The following AMZ1 variants were observed in gnomAD, a reference collection of about 807,000 sequenced individuals.
AMZ1 encodes archaelysin family metallopeptidase 1.
In AMZ1, 39 loss-of-function variants were observed where a neutral mutation model predicts 29.9. That is an observed-to-expected ratio of 1.30 (90% confidence interval 1.01 to 1.70). The LOEUF (loss-of-function observed/expected upper bound fraction) is 1.70, where lower values mean the gene tolerates loss of function less well. Ranked by LOEUF, AMZ1 falls within the 40% of genes most tolerant of loss-of-function variation. The pLI is 0.00. For synonymous variants in AMZ1, 458 were observed against 304.0 expected, an observed-to-expected ratio of 1.51 and a Z score of -5.27; for missense variants, 1,041 against 680.6, an observed-to-expected ratio of 1.53 and a Z score of -5.89.
At chr7:2,735,193 C>T (rs1040682081) in intron 4 of AMZ1, among the ~76,000 whole-genome samples, 59 of 152,308 alleles carry the variant, frequency 3.9e-4, no homozygotes, top group Admixed American at 1.8e-3. Context: ...CCCTGGGCCT[C>T]GGGAGGTGCC....
At chr7:2,764,373 G>A (rs765578896), upstream of AMZ1, among the ~76,000 whole-genome samples, 2 of 151,680 alleles carry the variant, frequency 1.3e-5, no homozygotes, top group Non-Finnish European at 2.9e-5. Flanking sequence ...GTGTGCTCCC[G>A]CATCCAGGCA....
Position 2,702,771 on chromosome 7 carries a change from CT to C in AMZ1, c.355del (p.Cys119AlafsTer46). ...GSSLLHQLCS[C>X]TEAFFLGLRV... ...GCTCCCTGCTGCACCAGCTGTGCAG[CT>C]GCACAGAGGCCTTCTTCCTGGGCCT... is the stretch of plus-strand genomic sequence containing the variant. On this transcript the variant is annotated frameshift_variant, in exon 3 of 7. Transcript: ENST00000683327. LOFTEE classifies it high-confidence loss of function. 6.5e-7 allele frequency: 1 copy of C among 1,543,510 alleles called. No homozygotes were observed. The highest frequency in any genetic ancestry group is 8.7e-7 in the Non-Finnish European group (1 of 1,147,258).
At chr7:2,696,357 C>T (rs969177321) in intron 1 of AMZ1, among the ~76,000 whole-genome samples, 6 of 149,512 alleles carry the variant, frequency 4.0e-5, no homozygotes, top group Non-Finnish European at 5.9e-5. Context: ...CCCAGGTTCA[C>T]GCCATTCTCC....
chr7:2,685,111 C>T (rs187071827), upstream of AMZ1, among the ~76,000 whole-genome samples: 152 of 151,686 alleles, frequency 1.0e-3, 1 homozygote, highest in African/African-American at 3.6e-3. Flanking sequence ...CCTCGTGATC[C>T]GCCCGCCTCG....
intron 1 of AMZ1, among the ~76,000 whole-genome samples, chr7:2,681,692 C>A (rs1007686754): frequency 6.6e-6 from 1 of 152,158 alleles, no homozygotes; most frequent in African/African-American, 2.4e-5. Context: ...TTCGTCCCCA[C>A]GTGCCTGGTC....
At chr7:2,725,707 T>C (rs987309253) in intron 4 of AMZ1, among the ~76,000 whole-genome samples, 2 of 152,222 alleles carry the variant, frequency 1.3e-5, no homozygotes, top group African/African-American at 4.8e-5. Flanking sequence ...TGCCTCTCCC[T>C]GGTCGCCTGT....
Position 2,712,671 on chromosome 7 carries a change from G to A in AMZ1, c.1290G>A (p.Val430=). The A allele has an allele frequency of 6.2e-7, 1 of 1,613,006 alleles. No homozygotes were observed. Among genetic ancestry groups the A allele is most frequent in the Non-Finnish European group, 8.5e-7 (1 of 1,179,892 alleles). ...TGGCAGAGGAGGACCTGGTGCAGGTGGACAGAGCCGTGGACGCCCTCGACC... is the reference window on the plus strand; with the variant it reads ...TGGCAGAGGAGGACCTGGTGCAGGTAGACAGAGCCGTGGACGCCCTCGACC... ...REVAEEDLVQ[V]DRAVDALDRW... The change falls in exon 7 of 7, where the codon GTG becomes GTA. Residue 430 remains valine (V), a synonymous_variant. Transcript: ENST00000683327.
rs144448813 is a variant in AMZ1, at chr7:2,726,821, C to T, written n.550+17005C>T. On this transcript the variant is annotated intron_variant and non_coding_transcript_variant, in intron 4 of 4. Coordinates refer to the AMZ1 transcript ENST00000489665. ...TGGTCACACCACGCCGAGGACCGGA[C>T]GGTGCCCTTGCTTCCTGTGAGTGGT... Among the ~76,000 whole-genome samples, 1,133 of 152,324 alleles carry T rather than the reference C, an allele frequency of 7.4e-3. 6 individuals are homozygous for T. Among genetic ancestry groups the T allele is most frequent in the Non-Finnish European group, 0.012 (812 of 68,016 alleles).
At chr7:2,695,371 C>T (rs1298612638) in intron 1 of AMZ1, among the ~76,000 whole-genome samples, 4 of 152,118 alleles carry the variant, frequency 2.6e-5, no homozygotes, top group Non-Finnish European at 5.9e-5. Flanking sequence ...CACGTGGTCC[C>T]AGCAAGGTGG....
Position 2,718,418 on chromosome 7 carries a change from C to T in AMZ1, c.*5540C>T, listed in dbSNP as rs986259907. Among the ~76,000 whole-genome samples the T allele has an allele frequency of 5.9e-5, 9 of 152,224 alleles. No homozygotes were observed. Among genetic ancestry groups the T allele is most frequent in the East Asian group, 1.9e-4 (1 of 5,190 alleles). ...ATCTCCCGTTCAAGGGCCCTCACCG[C>T]GCTTTGTGAGTCTGTCTCGTGGGCC... On this transcript the variant is annotated 3_prime_UTR_variant, in exon 7 of 7. Coordinates refer to ENST00000683327, the MANE Select transcript of AMZ1 (RefSeq NM_001384743.1).
At chr7:2,707,778 T>C (rs1788448068) in intron 3 of AMZ1, among the ~76,000 whole-genome samples, 1 of 148,932 alleles carries the variant, frequency 6.7e-6, no homozygotes, top group Admixed American at 6.7e-5. Context: ...CCCTCAGGCC[T>C]CACGTTCTCA....
Position 2,709,228 on chromosome 7 carries a change from T to G in AMZ1, c.755T>G (p.Met252Arg). ...GWALCFSALG[M>R]VQCCKVTCHE... ...GCCCTGTGCTTCAGTGCCCTGGGGA[T>G]GGTTCAGTGCTGCAAGGTGGGTGGG... The change falls in exon 5 of 7, where the codon ATG becomes AGG. Residue 252 changes from methionine to arginine, a missense_variant. Transcript: ENST00000683327. 6.6e-7 allele frequency: 1 copy of G among 1,506,344 alleles called. No individual in the cohort carries two copies. The highest frequency in any genetic ancestry group is 8.9e-7 in the Non-Finnish European group (1 of 1,129,552). 93.3% of individuals were successfully genotyped at this position (1,506,344 alleles called of 1,614,324 possible). A position where few individuals can be genotyped will look rare whatever the true frequency, so the allele number is the denominator to read the frequency against.
chr7:2,745,470 G>C (rs1790721061), intron 4 of AMZ1, among the ~76,000 whole-genome samples: 2 of 152,174 alleles, frequency 1.3e-5, no homozygotes, highest in African/African-American at 4.8e-5. Flanking sequence ...AGCAAATGCT[G>C]AGAGATTTTG....
At chr7:2,740,869 C>A (rs1008287254) in intron 4 of AMZ1, among the ~76,000 whole-genome samples, 1 of 152,088 alleles carries the variant, frequency 6.6e-6, no homozygotes, top group Non-Finnish European at 1.5e-5. Context: ...ATGGTGAAAC[C>A]CTGCCTCTAC....
At chr7:2,740,178 T>C (rs1474415340) in intron 4 of AMZ1, among the ~76,000 whole-genome samples, 2 of 152,194 alleles carry the variant, frequency 1.3e-5, no homozygotes, top group Non-Finnish European at 1.5e-5. Flanking sequence ...TTTCTGGGTT[T>C]TCTGGCATTT....
In AMZ1 at chr7:2,709,685, C is replaced by T. The variant is rs200740432; in HGVS notation, c.817C>T (p.Arg273Cys). 71 of 1,610,794 alleles carry T rather than the reference C, an allele frequency of 4.4e-5. No individual in the cohort carries two copies. Among genetic ancestry groups the T allele is most frequent in the East Asian group, 1.8e-4 (8 of 44,880 alleles). The part of the protein sequence containing the change: ...LCHLLGLGNC[R>C]WLRCLMQGAL... ...CCACCTTCTGGGCCTGGGGAACTGC[C>T]GCTGGCTCCGCTGCCTCATGCAGGG... The change falls in exon 6 of 7, where the codon CGC becomes TGC. Residue 273 changes from arginine (R) to cysteine (C), a missense_variant. Coordinates refer to ENST00000683327, the MANE Select transcript of AMZ1 (RefSeq NM_001384743.1).
At chr7:2,762,338 G>T, upstream of AMZ1, 1 of 363,794 alleles carries the variant, frequency 2.7e-6, no homozygotes, top group Non-Finnish European at 4.9e-6. Flanking sequence ...GACTGCTGCT[G>T]GACACACACG....
At chr7:2,737,566 G>A (rs768310905) in intron 4 of AMZ1, among the ~76,000 whole-genome samples, 3 of 152,166 alleles carry the variant, frequency 2.0e-5, no homozygotes, top group Non-Finnish European at 2.9e-5. Flanking sequence ...TGGGATTACA[G>A]GCGTGAGCCA....
At chr7:2,736,816 G>C (rs939882788) in intron 4 of AMZ1, among the ~76,000 whole-genome samples, 1 of 152,204 alleles carries the variant, frequency 6.6e-6, no homozygotes, top group Admixed American at 6.5e-5. Flanking sequence ...CGTCACCTCT[G>C]TCTCTGCACA....
Sources: gnomAD v4.1 joint callset for allele counts (sites outside exome capture counted in the v4.1 genomes callset) on GRCh38, gnomAD v4.1.1 for gene constraint, MANE v1.5 for transcripts, NCBI Gene and HGNC (gene_info 2026-07-23, HGNC 2026-07-21) for gene names.